Variants in AACS observed in about 807,000 individuals in gnomAD.
AACS encodes the protein acetoacetyl-CoA synthetase.
Under a neutral mutation model 83.1 loss-of-function variants are expected in AACS, and 69 were observed. The ratio of observed to expected loss-of-function variants is 0.83; its 90% CI spans 0.68 to 1.01. The LOEUF is 1.01. Among genes scored for constraint, AACS ranks in the 50% least tolerant of loss-of-function variants. AACS has a pLI of 0.00. For missense variants in AACS, 866 were observed against 882.2 expected (o/e 0.98, Z 0.23); for synonymous variants, 333 against 343.4 (o/e 0.97, Z 0.33).
rs371499128 is a variant in AACS, at chr12:125,124,809, A to G, written c.1186+40A>G. 13 of 1,613,986 alleles carry G rather than the reference A, an allele frequency of 8.1e-6. 1 individual carries two copies. The South Asian group carries it at 8.8e-5, about 11-fold the overall frequency. On this transcript the variant is annotated intron_variant, in intron 11 of 17. Coordinates refer to ENST00000316519, the MANE Select transcript of AACS (RefSeq NM_023928.5). ...TCAGTACTCATTCCCTGTACTGCCA[A>G]TCAAGGAAATTAAATCCATCCTATT...
chr12:125,135,900 C>T (rs1957394400), intron 16 of AACS: 1 of 152,608 alleles, frequency 6.6e-6, no homozygotes, highest in Admixed American at 6.5e-5. Flanking sequence ...CGTGCACCAC[C>T]ATGCCCAGCT....
chr12:125,073,386 T>A (rs1306188451), intron 1 of AACS, among the ~76,000 whole-genome samples: 1 of 152,194 alleles, frequency 6.6e-6, no homozygotes. Flanking sequence ...GTATCGACTA[T>A]AAATTTCCTA....
In AACS at chr12:125,113,384, G is replaced by T. The variant is rs1956990642; in HGVS notation, c.916-1093G>T. On this transcript the variant is annotated intron_variant, in intron 8 of 17. Transcript: ENST00000316519. This position sits in a 1 kb window ranked among gnomAD's most constrained non-coding sequence, Gnocchi z 4.8. ...CTGAAGGGCAGTGGTCACTGAAGGG[G>T]CAGCATCCCCGTCTGTCCTCAGGAT... Among the ~76,000 whole-genome samples, 1 of 152,208 alleles carries T rather than the reference G, an allele frequency of 6.6e-6. No homozygotes were observed. The highest frequency in any genetic ancestry group is 2.1e-4 in the South Asian group (1 of 4,832).
At chr12:125,134,721 C>A in intron 15 of AACS, 73 bp from the exon 16 acceptor site, 1 of 1,542,660 alleles carries the variant, frequency 6.5e-7, no homozygotes, top group Non-Finnish European at 9.0e-7. Flanking sequence ...GGGTGACTGC[C>A]CTCCCGTGGG....
rs1957227505 is a variant in AACS, at chr12:125,125,171, G to A, written c.1309+147G>A. 1.4e-5 allele frequency: 18 copies of A among 1,271,828 alleles called. No homozygotes were observed. The South Asian group carries it at 2.4e-4, about 17-fold the overall frequency. The allele number at this position is 1,271,828 out of a possible 1,614,324, so 78.8% of individuals were successfully genotyped here. On this transcript the variant is annotated intron_variant, in intron 12 of 17. Coordinates refer to ENST00000316519, the MANE Select transcript of AACS (RefSeq NM_023928.5). Reference sequence around the variant, plus strand: ...GTCCCTTCTCATGATCTGAGGCAGTGATGTTCCACGAAGTCACTGTGAACA... The same window carrying A: ...GTCCCTTCTCATGATCTGAGGCAGTAATGTTCCACGAAGTCACTGTGAACA...
At chr12:125,074,982 T>G (rs1024589356) in intron 2 of AACS, among the ~76,000 whole-genome samples, 6 of 149,644 alleles carry the variant, frequency 4.0e-5, no homozygotes, top group Non-Finnish European at 8.9e-5. Flanking sequence ...ATAGTTTTTT[T>G]TTTTTTTTTT....
At chr12:125,135,519 C>T (rs888907783) in intron 16 of AACS, among the ~76,000 whole-genome samples, 1 of 152,184 alleles carries the variant, frequency 6.6e-6, no homozygotes, top group Non-Finnish European at 1.5e-5. Context: ...GATCTCACAA[C>T]TGTACAGTGG....
At chr12:125,071,324 T>C (rs1188444544) in intron 1 of AACS, among the ~76,000 whole-genome samples, 1 of 152,134 alleles carries the variant, frequency 6.6e-6, no homozygotes, top group African/African-American at 2.4e-5. Flanking sequence ...AGATCAGCCC[T>C]CTCAGGTTGG....
At position 125,114,829 on chromosome 12, in the gene AACS, C is replaced by A. The variant is rs530403391; in HGVS notation, c.996+272C>A. On this transcript the variant is annotated intron_variant, in intron 9 of 17. Coordinates refer to ENST00000316519, the MANE Select transcript of AACS (RefSeq NM_023928.5). ...CCGTGGCACATGGTAAGGGCTTCCC[C>A]GGGCGCCGGCCCGTGGCACATGGTA... Among the ~76,000 whole-genome samples, 119 of 150,430 alleles carry A rather than the reference C, an allele frequency of 7.9e-4. 1 individual carries two copies. Among genetic ancestry groups the A allele is most frequent in the African/African-American group, 2.8e-3 (114 of 40,604 alleles).
At chr12:125,095,011 G>C (rs866996899) in intron 5 of AACS, among the ~76,000 whole-genome samples, 1 of 146,442 alleles carries the variant, frequency 6.8e-6, no homozygotes, top group Non-Finnish European at 1.5e-5. Context: ...GTGTGTGTGT[G>C]TGTGTGTGTG....
intron 4 of AACS, 120 bp downstream of exon 4, chr12:125,086,563 G>C: frequency 1.1e-6 from 1 of 888,810 alleles, no homozygotes; most frequent in Non-Finnish European, 1.8e-6. Flanking sequence ...GGAACCTTGT[G>C]GGACTTGGAC....
intron 3 of AACS, chr12:125,078,161 G>A: frequency 4.4e-6 from 2 of 456,180 alleles, no homozygotes; most frequent in South Asian, 1.5e-5. Context: ...TACAGAGCAG[G>A]GCCTCCCTTC....
At position 125,076,568 on chromosome 12, in the gene AACS, C is replaced by T. The variant is rs1778092198; in HGVS notation, c.315C>T (p.Leu105=). 6.2e-7 allele frequency: 1 copy of T among 1,614,134 alleles called. No individual in the cohort carries two copies. Among genetic ancestry groups the T allele is most frequent in the Non-Finnish European group, 8.5e-7 (1 of 1,180,024 alleles). ...GTCGGCTCAACTATGCAGAAAACCTCCTGCGGCACAAAGAGAATGACAGAG... is the reference window on the plus strand; with the variant it reads ...GTCGGCTCAACTATGCAGAAAACCTTCTGCGGCACAAAGAGAATGACAGAG... ...KGSRLNYAEN[L]LRHKENDRVA... The change falls in exon 3 of 18, where the codon CTC becomes CTT. Residue 105 remains leucine (L), a synonymous_variant. Transcript: ENST00000316519.
intron 3 of AACS, among the ~76,000 whole-genome samples, chr12:125,082,733 A>G (rs1956224637): frequency 6.6e-6 from 1 of 152,070 alleles, no homozygotes; most frequent in Admixed American, 6.5e-5. Flanking sequence ...AGGCAGGAGA[A>G]TTGCTTGAAC....
chr12:125,065,734 C>T lies in AACS; in HGVS notation c.133+17C>T. On this transcript the variant is annotated intron_variant, in intron 1 of 17. Coordinates refer to ENST00000316519, the MANE Select transcript of AACS (RefSeq NM_023928.5). ...TGGCGCTGGGTGAGAGTCGGGCGCG[C>T]GGCCGGGCCTGCGGGGGATGGGCGG... 6.6e-7 allele frequency: 1 copy of T among 1,518,456 alleles called. No homozygotes were observed. Among genetic ancestry groups the T allele is most frequent in the Non-Finnish European group, 8.8e-7 (1 of 1,133,780 alleles). 94.1% of individuals were successfully genotyped at this position (1,518,456 alleles called of 1,614,324 possible). A position where few individuals can be genotyped will look rare whatever the true frequency, so the allele number is the denominator to read the frequency against.
chr12:125,084,745 AT>A (rs982205148), intron 3 of AACS, among the ~76,000 whole-genome samples: 6 of 151,966 alleles, frequency 3.9e-5, no homozygotes, highest in African/African-American at 1.2e-4. Context: ...TGCTTGGCTA[AT>A]TTTTAAAAAT....
intron 14 of AACS, 26 bp from the exon 15 acceptor site, chr12:125,133,977 A>G (rs966326907): frequency 5.6e-6 from 9 of 1,613,718 alleles, no homozygotes; most frequent in Non-Finnish European, 7.6e-6. Context: ...CCTCGGGATG[A>G]CCGGGCACCT....
At chr12:125,132,036 C>T (rs537220907) in intron 14 of AACS, among the ~76,000 whole-genome samples, 4 of 152,346 alleles carry the variant, frequency 2.6e-5, no homozygotes, top group African/African-American at 7.2e-5. Context: ...TTTCCACTTT[C>T]GCCTCAGCTC....
intron 16 of AACS, among the ~76,000 whole-genome samples, chr12:125,135,401 T>C (rs948256507): frequency 6.6e-5 from 10 of 152,128 alleles, no homozygotes; most frequent in African/African-American, 2.2e-4. Flanking sequence ...GGCCAACTTG[T>C]GTCTACTCTT....
Sources: gnomAD v4.1 joint callset for allele counts (sites outside exome capture counted in the v4.1 genomes callset) on GRCh38, gnomAD v4.1.1 for gene constraint, Gnocchi (gnomAD v3.1) non-coding constraint, MANE v1.5 for transcripts, NCBI Gene and HGNC (gene_info 2026-07-23, HGNC 2026-07-21) for gene names.